ZNF141: variants seen among roughly 807,000 people sequenced by gnomAD.
ZNF141 encodes zinc finger protein 141, also known as zinc finger protein 141 (clone pHZ-44).
ZNF141 carries 7 observed loss-of-function variants against 11.3 expected under a neutral mutation model. The ratio of observed to expected loss-of-function variants is 0.62; its 90% CI spans 0.35 to 1.16. ZNF141 has a LOEUF of 1.16. ZNF141 is among the 50% of genes most tolerant of loss of function. ZNF141 has a pLI of 0.02. For missense variants in ZNF141, 535 were observed against 554.0 expected, an observed-to-expected ratio of 0.97 and a Z score of 0.34; for synonymous variants, 183 against 190.7, an observed-to-expected ratio of 0.96 and a Z score of 0.33.
rs1367533451 is a variant in ZNF141, at chr4:381,155, A to T, written c.*7293A>T. Among the ~76,000 whole-genome samples, 1 of 152,128 alleles carries T rather than the reference A, an allele frequency of 6.6e-6. No homozygotes were observed. Among genetic ancestry groups the T allele is most frequent in the Non-Finnish European group, 1.5e-5 (1 of 68,024 alleles). On this transcript the variant is annotated 3_prime_UTR_variant, in exon 4 of 4. Coordinates refer to ENST00000240499, the MANE Select transcript of ZNF141 (RefSeq NM_003441.4). ...ATGACTTTATTACTGTTATAATACA[A>T]ATTTATTTCTTGAGTTAAATATTTG...
chr4:358,004 C>T (rs1553851477), intron 3 of ZNF141, among the ~76,000 whole-genome samples: 1 of 151,834 alleles, frequency 6.6e-6, no homozygotes, highest in Non-Finnish European at 1.5e-5. Context: ...CAGGCATGAG[C>T]CACCATGCCT....
In ZNF141 at chr4:379,207, A is replaced by G. The variant is rs78742094; in HGVS notation, c.*5345A>G. On this transcript the variant is annotated 3_prime_UTR_variant, in exon 4 of 4. Coordinates refer to ENST00000240499, the MANE Select transcript of ZNF141 (RefSeq NM_003441.4). Reference sequence around the variant, plus strand: ...CGAAGTGGCCAATTTTGGGACCTTTAGCATCACTTGCCCTTTTAGTGTCTT... The same window carrying G: ...CGAAGTGGCCAATTTTGGGACCTTTGGCATCACTTGCCCTTTTAGTGTCTT... Among the ~76,000 whole-genome samples, 604 of 152,110 alleles carry G rather than the reference A, an allele frequency of 4.0e-3. 3 individuals carry two copies. Among genetic ancestry groups the G allele is most frequent in the African/African-American group, 0.014 (590 of 41,500 alleles).
In ZNF141 at chr4:373,578, G is replaced by T; in HGVS notation, c.1141G>T (p.Val381Phe). 1 of 1,604,616 alleles carries T rather than the reference G, an allele frequency of 6.2e-7. No homozygotes were observed. The highest frequency in any genetic ancestry group is 1.1e-5 in the South Asian group (1 of 90,640). The change falls in exon 4 of 4, where the codon GTC becomes TTC. Residue 381 changes from valine (V) to phenylalanine (F), a missense_variant. Transcript: ENST00000240499. ...ECGKAFGRSRVLNEHKKIHTG... is the reference protein window; with the variant it reads ...ECGKAFGRSRFLNEHKKIHTG... ...TGGCAAAGCCTTTGGACGGTCCAGG[G>T]TCCTGAATGAACATAAAAAAATTCA...
In ZNF141 at chr4:376,433, G is replaced by A. The variant is rs1712367222; in HGVS notation, c.*2571G>A. Among the ~76,000 whole-genome samples, 1 of 152,008 alleles carries A rather than the reference G, an allele frequency of 6.6e-6. No individual in the cohort carries two copies. Among genetic ancestry groups the A allele is most frequent in the African/African-American group, 2.4e-5 (1 of 41,506 alleles). ...GTAAATGAGTTATTCATCACCTCAA[G>A]CATTCATCCTTTGTATTACACACAA... On this transcript the variant is annotated 3_prime_UTR_variant, in exon 4 of 4. Transcript: ENST00000240499.
intron 3 of ZNF141, among the ~76,000 whole-genome samples, chr4:346,393 A>G (rs529695634): frequency 1.2e-4 from 18 of 152,340 alleles, no homozygotes; most frequent in East Asian, 5.8e-4. Context: ...ATGCATCTAC[A>G]TTGTGAAACA....
intron 3 of ZNF141, among the ~76,000 whole-genome samples, chr4:350,993 T>C (rs1201487635): frequency 6.6e-6 from 1 of 151,246 alleles, no homozygotes; most frequent in Non-Finnish European, 1.5e-5. Flanking sequence ...TCATGATCCG[T>C]CCACCTCAGC....
At position 372,870 on chromosome 4, in the gene ZNF141, C is replaced by A; in HGVS notation, c.433C>A (p.Leu145Ile). 1 of 1,612,958 alleles carries A rather than the reference C, an allele frequency of 6.2e-7. No individual in the cohort carries two copies. Among genetic ancestry groups the A allele is most frequent in the Non-Finnish European group, 8.5e-7 (1 of 1,179,214 alleles). Residue 145 changes from leucine (L) to isoleucine (I), a missense_variant, in exon 4 of 4, where the codon CTT becomes ATT. Physicochemically the swap from Leu to Ile is conservative, Grantham distance 5 (BLOSUM62 2). Coordinates refer to ENST00000240499, the MANE Select transcript of ZNF141 (RefSeq NM_003441.4). ...ECLSTTQSKI[L>I]QCKASVKVVS... ...CTTGTCAACTACCCAGAGCAAAATA[C>A]TTCAGTGTAAAGCAAGTGTCAAAGT... is the stretch of plus-strand genomic sequence containing the variant.
Position 375,619 on chromosome 4 carries a change from T to C in ZNF141, c.*1757T>C, listed in dbSNP as rs1364056970. ...CCAAAGTTGAACCTATTAGAGAATT[T>C]CTTTGTATATAAGTTGAAAAGAAGA... On this transcript the variant is annotated 3_prime_UTR_variant, in exon 4 of 4. Coordinates refer to ENST00000240499, the MANE Select transcript of ZNF141 (RefSeq NM_003441.4). Among the ~76,000 whole-genome samples, 3 of 152,092 alleles carry C rather than the reference T, an allele frequency of 2.0e-5. No individual in the cohort carries two copies. The highest frequency in any genetic ancestry group is 2.9e-5 in the Non-Finnish European group (2 of 67,918).
chr4:343,064 A>G (rs1360394420), intron 1 of ZNF141: 1 of 658,188 alleles, frequency 1.5e-6, no homozygotes, highest in East Asian at 2.9e-5. Context: ...TGATTAAAAA[A>G]GTATTTAAAA....
intron 3 of ZNF141, among the ~76,000 whole-genome samples, chr4:356,502 T>A (rs559993152): frequency 1.3e-5 from 2 of 152,010 alleles, no homozygotes; most frequent in African/African-American, 4.8e-5. Flanking sequence ...ATTGTCTGTA[T>A]TTTTTGTAGA....
At chr4:360,721 A>G (rs1472214641) in intron 3 of ZNF141, among the ~76,000 whole-genome samples, 1 of 152,200 alleles carries the variant, frequency 6.6e-6, no homozygotes, top group Non-Finnish European at 1.5e-5. Flanking sequence ...TTAAAAAAAT[A>G]TACATAAATA....
Position 373,112 on chromosome 4 carries a change from AC to A in ZNF141, c.677del (p.Pro226LeufsTer22). On this transcript the variant is annotated frameshift_variant, in exon 4 of 4. Transcript: ENST00000240499. LOFTEE classifies it low-confidence loss of function (END_TRUNC). ...EHKRIHTGEKPFTCEECGSIF... is the reference protein window; with the variant it reads ...EHKRIHTGEKXFTCEECGSIF... Reference sequence around the variant, plus strand: ...ATAAGAGAATTCATACTGGAGAGAAACCTTTTACTTGTGAAGAATGTGGCAG... The same window carrying A: ...ATAAGAGAATTCATACTGGAGAGAAACTTTTACTTGTGAAGAATGTGGCAG... 1 of 1,613,900 alleles carries A rather than the reference AC, an allele frequency of 6.2e-7. No homozygotes were observed. Among genetic ancestry groups the A allele is most frequent in the Non-Finnish European group, 8.5e-7 (1 of 1,179,970 alleles).
At chr4:362,963 T>C (rs1349815676) in intron 3 of ZNF141, among the ~76,000 whole-genome samples, 1 of 152,220 alleles carries the variant, frequency 6.6e-6, no homozygotes, top group Non-Finnish European at 1.5e-5. Context: ...ATAAATTACC[T>C]TGGGCAGTAT....
At chr4:342,980 G>A in intron 1 of ZNF141, 1 of 1,346,948 alleles carries the variant, frequency 7.4e-7, no homozygotes. Flanking sequence ...TTTAAAATCA[G>A]TTCCTTGCGT....
chr4:367,787 T>C (rs539513460), intron 3 of ZNF141, among the ~76,000 whole-genome samples: 2 of 152,250 alleles, frequency 1.3e-5, no homozygotes, highest in East Asian at 3.9e-4. Context: ...CATGCTGAGA[T>C]TACACCGCGC....
chr4:368,294 T>C (rs1055169225), intron 3 of ZNF141, among the ~76,000 whole-genome samples: 1 of 152,186 alleles, frequency 6.6e-6, no homozygotes, highest in East Asian at 1.9e-4. Context: ...AGAATGTAAG[T>C]GCAGTGGCAC....
rs782303974 is a variant in ZNF141 at position 343,923 on chromosome 4, A to G, written c.130+15A>G. On this transcript the variant is annotated intron_variant, in intron 2 of 3. Transcript: ENST00000240499. The stretch of plus-strand genomic sequence containing the variant: ...GGTCTCCCTGGGTGAGGATAACTTC[A>G]ATACATAATTCCTAATTTTTCTCAG... 3.2e-6 allele frequency: 5 copies of G among 1,582,654 alleles called. No individual in the cohort carries two copies. In the Admixed American group the frequency reaches 6.2e-5, roughly 19 times the overall value.
At chr4:369,626 T>C (rs1711923852) in intron 3 of ZNF141, among the ~76,000 whole-genome samples, 1 of 150,532 alleles carries the variant, frequency 6.6e-6, no homozygotes, top group Non-Finnish European at 1.5e-5. Context: ...TTTCTTTTTC[T>C]GTCTTCCTGT....
intron 1 of ZNF141, among the ~76,000 whole-genome samples, chr4:343,130 T>G (rs1285300356): frequency 6.6e-6 from 1 of 152,216 alleles, no homozygotes; most frequent in Admixed American, 6.5e-5. Context: ...CCTTGCATGA[T>G]TCTACAGCAA....
Sources: allele counts gnomAD v4.1 joint callset (sites outside exome capture counted in the v4.1 genomes callset), GRCh38; gene constraint gnomAD v4.1.1; transcripts MANE v1.5; gene names NCBI Gene and HGNC (gene_info 2026-07-23, HGNC 2026-07-21).